UNC79: variants seen among roughly 807,000 people sequenced by gnomAD.
The protein encoded by UNC79 is unc-79 subunit of NALCN channel complex.
A neutral mutation model predicts 283.1 loss-of-function variants in UNC79; 37 were observed. The observed-to-expected ratio is 0.13, with a 90% confidence interval of 0.10 to 0.17. UNC79 has a LOEUF of 0.17. Ranked by LOEUF, UNC79 falls within the 10% of genes least tolerant of loss-of-function variation. UNC79 has a pLI of 1.00. For synonymous variants in UNC79, 1,107 were observed against 1,200.2 expected (o/e 0.92, Z 1.61); for missense variants, 2,272 against 3,211.1 (o/e 0.71, Z 7.07).
intron 24 of UNC79, among the ~76,000 whole-genome samples, chr14:93,599,353 A>AGTGT (rs56758207): frequency 0.017 from 2,590 of 148,082 alleles, 51 homozygotes; most frequent in African/African-American, 0.053. Context: ...CACATACTTA[A>AGTGT]GTGTGTGTGT....
intron 5 of UNC79, among the ~76,000 whole-genome samples, chr14:93,492,074 C>T (rs1295218906): frequency 6.6e-6 from 1 of 152,168 alleles, no homozygotes; most frequent in Non-Finnish European, 1.5e-5. Flanking sequence ...AAGTAACCAG[C>T]ATTCATTGAG....
intron 26 of UNC79, among the ~76,000 whole-genome samples, chr14:93,603,653 T>TA (rs2065672216): frequency 6.6e-6 from 1 of 152,192 alleles, no homozygotes; most frequent in Admixed American, 6.5e-5. Context: ...TTTTGAAATG[T>TA]AAAAGGCAGC....
Position 93,468,602 on chromosome 14 carries a change from A to G in UNC79, c.143+811A>G, listed in dbSNP as rs149059375. Among the ~76,000 whole-genome samples, 613 of 152,358 alleles carry G rather than the reference A, an allele frequency of 4.0e-3. 2 individuals carry two copies. The highest frequency in any genetic ancestry group is 0.014 in the African/African-American group (577 of 41,584). On this transcript the variant is annotated intron_variant, in intron 2 of 48. Coordinates refer to ENST00000555664, the Ensembl canonical transcript of UNC79. ...GAAGCAAAAATTTTGTAAGACAGAT[A>G]TTAGGAGAACACAAATTTGCAAAGA...
chr14:93,485,216 ATATATATG>A lies in UNC79; in HGVS notation c.620-2439_620-2432del, dbSNP rs1332298385. Among the ~76,000 whole-genome samples, 3 of 142,698 alleles carry A rather than the reference ATATATATG, an allele frequency of 2.1e-5. No individual in the cohort carries two copies. The Admixed American group carries it at 2.1e-4, about 10-fold the overall frequency. The allele number at this position is 142,698 out of a possible 152,430, so 93.6% of individuals were successfully genotyped here. On this transcript the variant is annotated intron_variant, in intron 4 of 48. Coordinates refer to ENST00000555664, the Ensembl canonical transcript of UNC79. ...TATATGTGTATATATATGTGTATAT[ATATATATG>A]TATATATATACGTGTGTGTGTGTGT...
intron 1 of UNC79, among the ~76,000 whole-genome samples, chr14:93,356,302 A>G (rs2054085275): frequency 6.6e-6 from 1 of 152,156 alleles, no homozygotes; most frequent in African/African-American, 2.4e-5. Context: ...GGATTACAGT[A>G]CAGGCATGAG....
At chr14:93,347,905 G>T in intron 1 of UNC79, 1 of 590,312 alleles carries the variant, frequency 1.7e-6, no homozygotes, top group Non-Finnish European at 3.1e-6. Flanking sequence ...GATTTCACTA[G>T]GCGCCTGTTT....
Position 93,540,780 on chromosome 14 carries a change from C to T in UNC79, c.1473C>T (p.Asp491=), listed in dbSNP as rs143675250. ...ATAATGCTGACTTTGATAACAAGGA[C>T]GATGATAAACACGATCAGAGGCTGC... Residue 491 remains aspartate (D), a synonymous_variant, in exon 13 of 49, where the codon GAC becomes GAT. Transcript: ENST00000555664. 72 of 1,613,296 alleles carry T rather than the reference C, an allele frequency of 4.5e-5. No homozygotes were observed. The East Asian group carries it at 5.3e-4, about 12-fold the overall frequency.
intron 1 of UNC79, among the ~76,000 whole-genome samples, chr14:93,413,440 G>T (rs1393537820): frequency 6.7e-6 from 1 of 150,252 alleles, no homozygotes; most frequent in Non-Finnish European, 1.5e-5. Context: ...TGGCCATTTG[G>T]GTTGGTTCCA....
At chr14:93,622,205 G>T in exon 30 of UNC79, 1 of 1,614,116 alleles carries the variant, frequency 6.2e-7, no homozygotes, top group East Asian at 2.2e-5. Flanking sequence ...AGGCGATGAC[G>T]GCCCCTCCGG....
intron 11 of UNC79, among the ~76,000 whole-genome samples, chr14:93,534,592 C>T (rs2060981896): frequency 6.6e-6 from 1 of 152,164 alleles, no homozygotes; most frequent in Non-Finnish European, 1.5e-5. Flanking sequence ...CTCAATTAGA[C>T]ATCGCCTTAT....
rs753240720 is a variant in UNC79, at chr14:93,580,395, G to C, written c.2661+19G>C. The C allele has an allele frequency of 6.2e-7, 1 of 1,609,616 alleles. No homozygotes were observed. The highest frequency in any genetic ancestry group is 1.7e-5 in the Admixed American group (1 of 59,386). ...GCTGGTGGTAAGCAGTTGAAGAAAC[G>C]AGATGACCCATGTATAATAGCATTA... On this transcript the variant is annotated intron_variant, in intron 19 of 48. Coordinates refer to ENST00000555664, the Ensembl canonical transcript of UNC79.
At chr14:93,357,163 C>T (rs190495427) in intron 1 of UNC79, among the ~76,000 whole-genome samples, 8 of 152,212 alleles carry the variant, frequency 5.3e-5, no homozygotes, top group African/African-American at 9.6e-5. Flanking sequence ...TCACATAGGA[C>T]GATGGCCTCC....
intron 1 of UNC79, among the ~76,000 whole-genome samples, chr14:93,346,330 T>TA (rs2053827400): frequency 6.6e-6 from 1 of 152,172 alleles, no homozygotes; most frequent in African/African-American, 2.4e-5. Context: ...GTACTAAATT[T>TA]AAAAATCACA....
rs140201851 is a variant in UNC79 at position 93,493,874 on chromosome 14, C to CATATAT, written c.713-2514_713-2509dup. Among the ~76,000 whole-genome samples the CATATAT allele has an allele frequency of 3.2e-3, 247 of 76,638 alleles. 8 individuals are homozygous for CATATAT. Among genetic ancestry groups the CATATAT allele is most frequent in the East Asian group, 7.1e-3 (16 of 2,258 alleles). 50.3% of individuals were successfully genotyped at this position (76,638 alleles called of 152,430 possible). A position where few individuals can be genotyped will look rare whatever the true frequency, so the allele number is the denominator to read the frequency against. On this transcript the variant is annotated intron_variant, in intron 5 of 48. Transcript: ENST00000555664. ...GGAAGAGAGAGAAGGGGAAGTGCCA[C>CATATAT]ATATATATATATATATATATATATA... is the stretch of plus-strand genomic sequence containing the variant.
At chr14:93,677,863 T>G (rs2073482432) in intron 41 of UNC79, among the ~76,000 whole-genome samples, 1 of 152,214 alleles carries the variant, frequency 6.6e-6, no homozygotes, top group African/African-American at 2.4e-5. Context: ...TTGATCAGGC[T>G]GGTCTCAAAC....
intron 4 of UNC79, among the ~76,000 whole-genome samples, chr14:93,485,887 T>G (rs2058393876): frequency 6.6e-6 from 1 of 152,210 alleles, no homozygotes; most frequent in Non-Finnish European, 1.5e-5. Flanking sequence ...CACTGTCTAC[T>G]TTGGTGCCCA....
chr14:93,460,768 G>A (rs2140214249), intron 1 of UNC79, among the ~76,000 whole-genome samples: 1 of 152,154 alleles, frequency 6.6e-6, no homozygotes, highest in East Asian at 1.9e-4. Flanking sequence ...CCTCACTCCT[G>A]TAATCCTAGC....
chr14:93,352,600 G>A (rs1211900823), intron 1 of UNC79, among the ~76,000 whole-genome samples: 1 of 152,128 alleles, frequency 6.6e-6, no homozygotes, highest in African/African-American at 2.4e-5. Flanking sequence ...CTTGTTTGGG[G>A]TAGTTTTGTT....
exon 30 of UNC79, chr14:93,622,680 A>G (rs2067225893): frequency 6.2e-7 from 1 of 1,614,064 alleles, no homozygotes; most frequent in Non-Finnish European, 8.5e-7. Flanking sequence ...CAGAATCCTG[A>G]AAGGAAGGTG....
Sources: gnomAD v4.1 joint callset for allele counts (sites outside exome capture counted in the v4.1 genomes callset) on GRCh38, gnomAD v4.1.1 for gene constraint, MANE v1.5 for transcripts, NCBI Gene and HGNC (gene_info 2026-07-23, HGNC 2026-07-21) for gene names.